Variants in DHX8 observed in about 807,000 individuals in gnomAD.
The protein encoded by DHX8 is DEAH-box helicase 8.
A neutral mutation model predicts 140.7 loss-of-function variants in DHX8; 67 were observed. The ratio of observed to expected loss-of-function variants is 0.48; its 90% CI spans 0.39 to 0.58. The LOEUF is 0.58. DHX8 is among the 20% of genes least tolerant of loss of function. DHX8 has a pLI of 0.00. For synonymous variants in DHX8, 533 were observed against 553.2 expected (o/e 0.96, Z 0.51); for missense variants, 887 against 1,550.7 (o/e 0.57, Z 7.19).
Position 43,522,167 on chromosome 17 carries a change from C to A in DHX8, c.3384C>A (p.Ile1128=). The stretch of plus-strand genomic sequence containing the variant: ...CGCAGGAGGGTTACCGGACACTGAT[C>A]GACCAGCAGGTGGTCTATATCCATC... The part of the protein sequence containing the change: ...KDPQEGYRTL[I]DQQVVYIHPS... The change falls in exon 22 of 23, where the codon ATC becomes ATA. Residue 1128 remains isoleucine, a synonymous_variant. Transcript: ENST00000262415. 6.2e-7 allele frequency: 1 copy of A among 1,614,032 alleles called. No individual in the cohort carries two copies. Among genetic ancestry groups the A allele is most frequent in the Admixed American group, 1.7e-5 (1 of 60,012 alleles).
chr17:43,518,924 A>G (rs1970244404), intron 18 of DHX8: 1 of 152,182 alleles, frequency 6.6e-6, no homozygotes, highest in Non-Finnish European at 1.5e-5. Context: ...TTCAAGGTTT[A>G]TCCATTTATT....
intron 16 of DHX8, 30 bp downstream of exon 16, chr17:43,508,550 T>C (rs769132757): frequency 6.6e-7 from 1 of 1,512,618 alleles, no homozygotes; most frequent in Non-Finnish European, 9.1e-7. Context: ...AGCTTCCATG[T>C]GCCCTGAAAC....
chr17:43,525,756 C>A, downstream of DHX8: 2 of 985,516 alleles, frequency 2.0e-6, no homozygotes, highest in Non-Finnish European at 1.2e-6. Flanking sequence ...AGGTGCATGC[C>A]ACCACACCTG....
At chr17:43,484,302 C>A in intron 1 of DHX8, 117 bp downstream of exon 1, 3 of 1,279,586 alleles carry the variant, frequency 2.3e-6, no homozygotes, top group Admixed American at 2.0e-5. Context: ...ATCTGTCTCT[C>A]TCTGTCGCAG....
chr17:43,495,206 G>A (rs1320046276), intron 8 of DHX8, among the ~76,000 whole-genome samples: 1 of 152,220 alleles, frequency 6.6e-6, no homozygotes, highest in Non-Finnish European at 1.5e-5. Context: ...TATCATGGTT[G>A]CTATGCTTAA....
intron 19 of DHX8, 81 bp from the exon 20 acceptor site, chr17:43,520,670 A>C (rs1429843951): frequency 5.1e-6 from 8 of 1,574,200 alleles, no homozygotes; most frequent in Non-Finnish European, 6.9e-6. Context: ...GTTGTTACCC[A>C]CTCTGACCAA....
Position 43,522,073 on chromosome 17 carries a change from G to A in DHX8, c.3290G>A (p.Gly1097Asp). Residue 1097 changes from glycine to aspartate, a missense_variant, in exon 22 of 23, where the codon GGC (glycine) becomes GAC (aspartate). Coordinates refer to ENST00000262415, the MANE Select transcript of DHX8 (RefSeq NM_004941.3). ...CACAAGCTGGATGTTGTTTCCTGTG[G>A]CAAGTCCACAGTCCGAGTGCAGAAG... ...DRHKLDVVSC[G>D]KSTVRVQKAI... The A allele has an allele frequency of 1.2e-6, 2 of 1,614,048 alleles. No homozygotes were observed. Among genetic ancestry groups the A allele is most frequent in the Non-Finnish European group, 1.7e-6 (2 of 1,179,968 alleles).
chr17:43,524,539 G>T lies in DHX8; in HGVS notation c.*692G>T. 2.0e-6 allele frequency: 2 copies of T among 986,394 alleles called. No homozygotes were observed. The highest frequency in any genetic ancestry group is 2.4e-6 in the Non-Finnish European group (2 of 830,830). 61.1% of individuals were successfully genotyped at this position (986,394 alleles called of 1,614,324 possible). On this transcript the variant is annotated 3_prime_UTR_variant, in exon 23 of 23. Transcript: ENST00000262415. ...CAGCACTAGCCGGGCCGTGCTGGGG[G>T]ATCACCCGATGATCAACCATGTCCT...
intron 7 of DHX8, 23 bp from the exon 8 acceptor site, chr17:43,493,660 G>T (rs757967298): frequency 1.2e-6 from 2 of 1,614,034 alleles, no homozygotes; most frequent in East Asian, 2.2e-5. Context: ...AAGTGAGACA[G>T]CTCCCTTGTT....
rs780875409 is a variant in DHX8 at position 43,513,460 on chromosome 17, C to T, written c.2601C>T (p.Ser867=). The T allele has an allele frequency of 3.7e-6, 6 of 1,613,940 alleles. No individual in the cohort carries two copies. The Admixed American group carries it at 8.3e-5, about 22-fold the overall frequency. Residue 867 remains serine (S), a synonymous_variant, in exon 17 of 23, where the codon TCC becomes TCT. Coordinates refer to ENST00000262415, the MANE Select transcript of DHX8 (RefSeq NM_004941.3). ...TCGTGAAACAGAAAGTTTACAATTCCAAGACAGGGATTGACCAGCTCGTGG... is the reference window on the plus strand; with the variant it reads ...TCGTGAAACAGAAAGTTTACAATTCTAAGACAGGGATTGACCAGCTCGTGG... ...PGFVKQKVYN[S]KTGIDQLVVT...
chr17:43,511,705 G>T (rs1969849530), intron 16 of DHX8, among the ~76,000 whole-genome samples: 2 of 150,940 alleles, frequency 1.3e-5, no homozygotes, highest in Non-Finnish European at 3.0e-5. Context: ...TGATCCATCC[G>T]CCTCAGCCTC....
In DHX8 at chr17:43,490,478, C is replaced by T; in HGVS notation, c.307+15C>T. The T allele has an allele frequency of 3.7e-6, 6 of 1,605,836 alleles. No homozygotes were observed. Among genetic ancestry groups the T allele is most frequent in the Non-Finnish European group, 5.1e-6 (6 of 1,173,842 alleles). On this transcript the variant is annotated intron_variant, in intron 3 of 22. Coordinates refer to ENST00000262415, the MANE Select transcript of DHX8 (RefSeq NM_004941.3). ...CACTAGCAAAGGTAAGCAGAGCTTC[C>T]AGCTGAGCTTAGCTTCTAGAATGGT...
intron 1 of DHX8, among the ~76,000 whole-genome samples, chr17:43,486,370 T>C (rs1045603449): frequency 1.3e-5 from 2 of 152,192 alleles, no homozygotes; most frequent in Admixed American, 1.3e-4. Flanking sequence ...TTAATTTATG[T>C]ATTTAATTTT....
At chr17:43,535,834 G>A (rs555859328) in intron 2 of DHX8, among the ~76,000 whole-genome samples, 5 of 152,256 alleles carry the variant, frequency 3.3e-5, no homozygotes, top group East Asian at 3.9e-4. Context: ...AACTGGGGGC[G>A]GGCGCACTGG....
At chr17:43,532,197 CT>C (rs1043862479) in intron 2 of DHX8, among the ~76,000 whole-genome samples, 1 of 152,124 alleles carries the variant, frequency 6.6e-6, no homozygotes, top group Admixed American at 6.6e-5. Flanking sequence ...TATAGGTTTG[CT>C]CATTGAAAAG....
At chr17:43,493,092 A>G in intron 6 of DHX8, 52 bp downstream of exon 6, 1 of 1,569,178 alleles carries the variant, frequency 6.4e-7, no homozygotes, top group Non-Finnish European at 8.7e-7. Flanking sequence ...AATTTCTTTT[A>G]TCACTGAGGA....
chr17:43,525,308 C>G lies in DHX8; in HGVS notation c.*1461C>G. 1.4e-5 allele frequency: 14 copies of G among 985,286 alleles called. No homozygotes were observed. The highest frequency in any genetic ancestry group is 1.7e-5 in the Non-Finnish European group (14 of 829,824). 61.0% of individuals were successfully genotyped at this position (985,286 alleles called of 1,614,324 possible). ...CTACTGTAGAACTGTATGCCAGACACTAAGAGAGACTATGTAACATTCCAG... is the reference window on the plus strand; with the variant it reads ...CTACTGTAGAACTGTATGCCAGACAGTAAGAGAGACTATGTAACATTCCAG... On this transcript the variant is annotated 3_prime_UTR_variant, in exon 23 of 23. Coordinates refer to ENST00000262415, the MANE Select transcript of DHX8 (RefSeq NM_004941.3).
intron 12 of DHX8, among the ~76,000 whole-genome samples, chr17:43,505,701 A>G (rs1969456105): frequency 6.6e-6 from 1 of 152,088 alleles, no homozygotes; most frequent in African/African-American, 2.4e-5. Context: ...AGCTCTGTTC[A>G]GTAATTAAAA....
intron 2 of DHX8, among the ~76,000 whole-genome samples, chr17:43,534,243 G>A (rs1194381496): frequency 6.6e-6 from 1 of 152,106 alleles, no homozygotes; most frequent in Non-Finnish European, 1.5e-5. Context: ...GGCTGGGCAC[G>A]GTAGCTCACA....
Sources: gnomAD v4.1 joint callset for allele counts (sites outside exome capture counted in the v4.1 genomes callset) on GRCh38, gnomAD v4.1.1 for gene constraint, MANE v1.5 for transcripts, NCBI Gene and HGNC (gene_info 2026-07-23, HGNC 2026-07-21) for gene names.